The following LLGL2 variants were observed in gnomAD, a reference collection of about 807,000 sequenced individuals.
LLGL2 encodes the protein LLGL scribble cell polarity complex component 2, also known as LLGL2, scribble cell polarity complex component.
In LLGL2, 81 loss-of-function variants were observed where a neutral mutation model predicts 123.2. That is an observed-to-expected ratio of 0.66 (90% CI 0.55 to 0.79). The LOEUF (loss-of-function observed/expected upper bound fraction) is 0.79. Among genes scored for constraint, LLGL2 ranks in the 30% least tolerant of loss-of-function variants. LLGL2 has a pLI of 0.00. For missense variants in LLGL2, 1,273 were observed against 1,414.6 expected (o/e 0.90, Z 1.61); for synonymous variants, 577 against 594.1 (o/e 0.97, Z 0.42).
chr17:75,536,625 C>T (rs1218156777), intron 1 of LLGL2, among the ~76,000 whole-genome samples: 1 of 152,190 alleles, frequency 6.6e-6, no homozygotes, highest in African/African-American at 2.4e-5. Context: ...TGCCTGGGGC[C>T]TCTTTCCTTC....
intron 1 of LLGL2, among the ~76,000 whole-genome samples, chr17:75,529,771 G>A (rs925895498): frequency 1.3e-5 from 2 of 151,940 alleles, no homozygotes; most frequent in African/African-American, 4.8e-5. Context: ...TGAGGCAGGA[G>A]AATCGCTGGA....
Position 75,564,647 on chromosome 17 carries a change from G to GGAC in LLGL2, c.1036+140_1036+141insGAC. Reference sequence around the variant, plus strand: ...GGAGGCCAAGGTGGTAGGATCGCTTGAACCCAGGAGTTCAAGTCCAGCCTG... The same window carrying GGAC: ...GGAGGCCAAGGTGGTAGGATCGCTTGGACAACCCAGGAGTTCAAGTCCAGCCTG... On this transcript the variant is annotated intron_variant, in intron 10 of 25. Coordinates refer to ENST00000392550, the MANE Select transcript of LLGL2 (RefSeq NM_001031803.2). The surrounding 1 kb of genome is among the most constrained non-coding windows in gnomAD (Gnocchi z 4.9). 7.1e-7 allele frequency: 1 copy of GGAC among 1,399,208 alleles called. No homozygotes were observed. The highest frequency in any genetic ancestry group is 1.4e-5 in the South Asian group (1 of 69,756). The allele number at this position is 1,399,208 out of a possible 1,614,324, so 86.7% of individuals were successfully genotyped here.
intron 1 of LLGL2, among the ~76,000 whole-genome samples, chr17:75,527,592 T>C (rs2053619315): frequency 6.6e-6 from 1 of 152,082 alleles, no homozygotes; most frequent in Non-Finnish European, 1.5e-5. Flanking sequence ...TTTTCTTTTT[T>C]TTAAACTAAG....
chr17:75,572,155 T>G, intron 19 of LLGL2, 91 bp downstream of exon 19: 1 of 1,308,958 alleles, frequency 7.6e-7, no homozygotes, highest in Non-Finnish European at 1.1e-6. Flanking sequence ...TGGGACTCAG[T>G]CTTGTTTGCA....
chr17:75,567,553 C>T (rs1421318088), intron 10 of LLGL2, among the ~76,000 whole-genome samples: 2 of 152,044 alleles, frequency 1.3e-5, no homozygotes, highest in Non-Finnish European at 2.9e-5. Flanking sequence ...GCAGGAGAAT[C>T]GCTTGAACCC....
chr17:75,563,734 C>T lies in LLGL2; in HGVS notation c.827-18C>T, dbSNP rs899317711. ...TGAGAGTTTGAGGATCCGTTCAAGCCGATTCCTTTCCTTTCAGGTCCCTTT... is the reference window on the plus strand; with the variant it reads ...TGAGAGTTTGAGGATCCGTTCAAGCTGATTCCTTTCCTTTCAGGTCCCTTT... On this transcript the variant is annotated intron_variant, in intron 8 of 25. Coordinates refer to ENST00000392550, the MANE Select transcript of LLGL2 (RefSeq NM_001031803.2). 21 of 1,613,898 alleles carry T rather than the reference C, an allele frequency of 1.3e-5. No homozygotes were observed. The highest frequency in any genetic ancestry group is 1.7e-5 in the Admixed American group (1 of 59,992).
At chr17:75,553,134 A>T (rs2054750915) in intron 2 of LLGL2, among the ~76,000 whole-genome samples, 1 of 152,178 alleles carries the variant, frequency 6.6e-6, no homozygotes, top group Non-Finnish European at 1.5e-5. Flanking sequence ...AAATGTTTAC[A>T]TTCCAGACAC....
At chr17:75,532,933 C>CA (rs563789249) in intron 1 of LLGL2, among the ~76,000 whole-genome samples, 104 of 152,308 alleles carry the variant, frequency 6.8e-4, no homozygotes, top group African/African-American at 2.2e-3. Context: ...TTCGTGGGGT[C>CA]AGTGATTGGC....
At chr17:75,534,230 C>T (rs1476378774) in intron 1 of LLGL2, among the ~76,000 whole-genome samples, 2 of 152,272 alleles carry the variant, frequency 1.3e-5, no homozygotes, top group African/African-American at 2.4e-5. Flanking sequence ...TCCCACCTTC[C>T]ACCCCATCCT....
chr17:75,570,770 C>T (rs1466252013), intron 16 of LLGL2, among the ~76,000 whole-genome samples, 180 bp from the exon 17 acceptor site: 4 of 152,192 alleles, frequency 2.6e-5, no homozygotes, highest in Non-Finnish European at 5.9e-5. Flanking sequence ...ATGCTGGGGG[C>T]CCAGGCAGGC....
chr17:75,525,041 C>G (rs2147024501), upstream of LLGL2: 1 of 157,822 alleles, frequency 6.3e-6, no homozygotes, highest in Non-Finnish European at 1.4e-5. This position sits in a 1 kb window ranked among gnomAD's most constrained non-coding sequence, Gnocchi z 4.8. Context: ...CCACCTGCAG[C>G]TGGGCGGTGG....
chr17:75,563,118 C>T lies in LLGL2; in HGVS notation c.633C>T (p.Gly211=), dbSNP rs888082797. The T allele has an allele frequency of 6.2e-7, 1 of 1,613,180 alleles. No homozygotes were observed. The highest frequency in any genetic ancestry group is 1.3e-5 in the African/African-American group (1 of 75,072). ...AGATCCTGATCGGCTACAGCCGAGG[C>T]CTCGTTGTCATCTGGGACCTACAGG... ...PNQILIGYSR[G]LVVIWDLQGS... Residue 211 remains glycine (G), a synonymous_variant, in exon 7 of 26, where the codon GGC becomes GGT. Transcript: ENST00000392550.
rs765669715 is a variant in LLGL2 at position 75,573,505 on chromosome 17, A to C, written c.2750A>C (p.Glu917Ala). 1 of 1,611,678 alleles carries C rather than the reference A, an allele frequency of 6.2e-7. No individual in the cohort carries two copies. The highest frequency in any genetic ancestry group is 1.3e-5 in the African/African-American group (1 of 74,868). The change falls in exon 21 of 26, where the codon GAG (glutamate) becomes GCG (alanine). Residue 917 changes from glutamate to alanine, a missense_variant. Physicochemically the swap from Glu to Ala is moderately radical, Grantham distance 107. Coordinates refer to ENST00000392550, the MANE Select transcript of LLGL2 (RefSeq NM_001031803.2). ...GGCTTCTACCTGATCTCACCCTCGG[A>C]GTTTGAGCGCTTCTCTCTCTCCACC... ...GQGFYLISPS[E>A]FERFSLSTKW...
chr17:75,566,567 T>C (rs1452604500), intron 10 of LLGL2, among the ~76,000 whole-genome samples: 2 of 152,216 alleles, frequency 1.3e-5, no homozygotes, highest in East Asian at 3.8e-4. Flanking sequence ...GCAGAGCACA[T>C]GTAGCCATGG....
In LLGL2 at chr17:75,574,982, G is replaced by C; in HGVS notation, c.*104G>C. ...GGCCGGTGCACAGGGCCCCGCCAGG[G>C]GCTGGGGGCATCCCGGCTTCCACAA... On this transcript the variant is annotated 3_prime_UTR_variant, in exon 26 of 26. Coordinates refer to ENST00000392550, the MANE Select transcript of LLGL2 (RefSeq NM_001031803.2). 6.5e-7 allele frequency: 1 copy of C among 1,531,988 alleles called. No individual in the cohort carries two copies. Among genetic ancestry groups the C allele is most frequent in the Non-Finnish European group, 9.0e-7 (1 of 1,106,672 alleles). The allele number at this position is 1,531,988 out of a possible 1,614,324, so 94.9% of individuals were successfully genotyped here.
At chr17:75,550,653 C>T (rs1234395162) in intron 2 of LLGL2, among the ~76,000 whole-genome samples, 1 of 151,884 alleles carries the variant, frequency 6.6e-6, no homozygotes, top group Non-Finnish European at 1.5e-5. Context: ...GCTGTGGTGG[C>T]GCATGCCTGT....
Position 75,568,471 on chromosome 17 carries a change from C to T in LLGL2, c.1037-5C>T, listed in dbSNP as rs2055540471. The T allele has an allele frequency of 6.2e-7, 1 of 1,611,560 alleles. No homozygotes were observed. Among genetic ancestry groups the T allele is most frequent in the South Asian group, 1.1e-5 (1 of 90,972 alleles). On this transcript the variant is annotated splice_polypyrimidine_tract_variant and splice_region_variant and intron_variant, in intron 10 of 25. Coordinates refer to ENST00000392550, the MANE Select transcript of LLGL2 (RefSeq NM_001031803.2). ...CCGGCCCCTGACCCTTGCCCTGTACCCCAGCCTTTGACGACCCCTATGCCC... is the reference window on the plus strand; with the variant it reads ...CCGGCCCCTGACCCTTGCCCTGTACTCCAGCCTTTGACGACCCCTATGCCC...
At chr17:75,527,409 G>A (rs2053611630) in intron 1 of LLGL2, among the ~76,000 whole-genome samples, 1 of 152,066 alleles carries the variant, frequency 6.6e-6, no homozygotes, top group African/African-American at 2.4e-5. Flanking sequence ...CATCTTTGTG[G>A]GGGCTCCTGG....
At chr17:75,552,382 A>T (rs1598572496) in intron 2 of LLGL2, among the ~76,000 whole-genome samples, 1 of 150,192 alleles carries the variant, frequency 6.7e-6, no homozygotes, top group South Asian at 2.1e-4. Flanking sequence ...CCAGCTCCTC[A>T]GGAGGCTGAG....
Sources: gnomAD v4.1 joint callset for allele counts (sites outside exome capture counted in the v4.1 genomes callset) on GRCh38, gnomAD v4.1.1 for gene constraint, Gnocchi (gnomAD v3.1) non-coding constraint, MANE v1.5 for transcripts, NCBI Gene and HGNC (gene_info 2026-07-23, HGNC 2026-07-21) for gene names.